Variants in FER1L6 observed in about 807,000 individuals in gnomAD.
FER1L6 encodes fer-1 like family member 6, also known as fer-1-like protein 6.
A neutral mutation model predicts 219.2 loss-of-function variants in FER1L6; 177 were observed. The observed-to-expected ratio is 0.81, with a 90% CI of 0.71 to 0.91. FER1L6 has a LOEUF of 0.91. FER1L6 is among the 40% of genes least tolerant of loss of function. FER1L6 has a pLI of 0.00. For synonymous variants in FER1L6, 768 were observed against 824.3 expected, an observed-to-expected ratio of 0.93 and a Z score of 1.17; for missense variants, 2,153 against 2,259.9, an observed-to-expected ratio of 0.95 and a Z score of 0.96.
intron 14 of FER1L6, among the ~76,000 whole-genome samples, chr8:124,011,038 C>T (rs1817897212): frequency 1.3e-5 from 2 of 152,130 alleles, no homozygotes; most frequent in Admixed American, 1.3e-4. Flanking sequence ...TAGATCCTGG[C>T]TTCAACTAAT....
chr8:124,084,397 TTGTGTA>T (rs1194117970), intron 33 of FER1L6, among the ~76,000 whole-genome samples: 1 of 152,100 alleles, frequency 6.6e-6, no homozygotes, highest in African/African-American at 2.4e-5. Flanking sequence ...TGTGGGTCTG[TTGTGTA>T]TGTTTTTTAT....
At chr8:123,964,349 A>G (rs1815438291) in intron 3 of FER1L6, among the ~76,000 whole-genome samples, 1 of 152,124 alleles carries the variant, frequency 6.6e-6, no homozygotes, top group South Asian at 2.1e-4. Flanking sequence ...AGTTGTTACT[A>G]TCAATAAAAC....
intron 22 of FER1L6, among the ~76,000 whole-genome samples, chr8:124,058,359 TAC>T (rs1820403897): frequency 6.6e-6 from 1 of 152,218 alleles, no homozygotes; most frequent in Admixed American, 6.5e-5. Context: ...TCAGACCAAC[TAC>T]CCATCCTGCT....
chr8:124,099,441 C>T (rs752790981), intron 37 of FER1L6, among the ~76,000 whole-genome samples: 1 of 152,178 alleles, frequency 6.6e-6, no homozygotes, highest in Non-Finnish European at 1.5e-5. Context: ...CACTGACTTC[C>T]CCATTTCTAA....
chr8:123,906,347 C>A (rs539185772), intron 1 of FER1L6, among the ~76,000 whole-genome samples: 4 of 152,194 alleles, frequency 2.6e-5, no homozygotes, highest in Admixed American at 2.6e-4. Context: ...GCCTCCCACC[C>A]AACCCACACT....
intron 38 of FER1L6, among the ~76,000 whole-genome samples, chr8:124,101,817 A>G (rs140393340): frequency 0.014 from 2,204 of 152,326 alleles, 33 homozygotes; most frequent in Admixed American, 0.026. Context: ...GGAGGTCTTG[A>G]TGACATGTGT....
intron 1 of FER1L6, among the ~76,000 whole-genome samples, chr8:123,937,258 G>A (rs1238205083): frequency 6.6e-6 from 1 of 152,194 alleles, no homozygotes; most frequent in Non-Finnish European, 1.5e-5. Flanking sequence ...CTGAACGAGG[G>A]AAACAGATGA....
chr8:124,059,168 C>T (rs114403292), intron 22 of FER1L6, among the ~76,000 whole-genome samples: 1 of 152,272 alleles, frequency 6.6e-6, no homozygotes, highest in African/African-American at 2.4e-5. Context: ...GTAAATTGTT[C>T]AGGCAGACAA....
At chr8:124,106,654 A>G (rs1361905154) in intron 39 of FER1L6, among the ~76,000 whole-genome samples, 3 of 152,142 alleles carry the variant, frequency 2.0e-5, no homozygotes, top group African/African-American at 7.2e-5. Context: ...GATTATTTTT[A>G]GCAGTTGCCC....
intron 33 of FER1L6, among the ~76,000 whole-genome samples, chr8:124,083,884 T>A (rs896910915): frequency 2.0e-5 from 3 of 152,226 alleles, no homozygotes; most frequent in Non-Finnish European, 4.4e-5. Context: ...TTAACAGTAC[T>A]GATTCTTCCA....
Position 123,980,620 on chromosome 8 carries a change from T to C in FER1L6, c.1219T>C (p.Ser407Pro), listed in dbSNP as rs1462935614. 8.7e-6 allele frequency: 14 copies of C among 1,613,960 alleles called. No individual in the cohort carries two copies. The highest frequency in any genetic ancestry group is 1.2e-5 in the Non-Finnish European group (14 of 1,180,018). The change falls in exon 11 of 41, where the codon TCA becomes CCA. Residue 407 changes from serine to proline, a missense_variant. Coordinates refer to ENST00000522917, the MANE Select transcript of FER1L6 (RefSeq NM_001039112.2). The stretch of plus-strand genomic sequence containing the variant: ...GGTAGAAATTGCTGTGGAAATCCTC[T>C]CAGGACGGGCACAGGAATCTAAATT... ...ILVEIAVEIL[S>P]GRAQESKFSK...
intron 1 of FER1L6, among the ~76,000 whole-genome samples, chr8:123,904,213 ACT>A (rs891761383): frequency 7.1e-5 from 7 of 98,496 alleles, no homozygotes; most frequent in African/African-American, 1.6e-4. Context: ...TTTAGAATAA[ACT>A]CTGTATATTT....
At chr8:123,909,202 T>C (rs556365940) in intron 1 of FER1L6, among the ~76,000 whole-genome samples, 3 of 151,834 alleles carry the variant, frequency 2.0e-5, no homozygotes, top group Admixed American at 2.0e-4. Flanking sequence ...TACAGAAAGA[T>C]GAAGAGGGAG....
At chr8:124,088,995 C>T (rs1202945798) in intron 33 of FER1L6, among the ~76,000 whole-genome samples, 1 of 152,096 alleles carries the variant, frequency 6.6e-6, no homozygotes, top group Non-Finnish European at 1.5e-5. Context: ...CATGGCTGCC[C>T]CAGCTGGTAT....
chr8:124,092,729 C>A (rs1441020456), intron 34 of FER1L6, among the ~76,000 whole-genome samples: 1 of 152,174 alleles, frequency 6.6e-6, no homozygotes, highest in African/African-American at 2.4e-5. Context: ...AGCATGGTAG[C>A]ATCCGCTTGG....
At chr8:124,048,387 C>T (rs913261342) in intron 21 of FER1L6, among the ~76,000 whole-genome samples, 2 of 152,226 alleles carry the variant, frequency 1.3e-5, no homozygotes, top group African/African-American at 4.8e-5. Context: ...ACTCTGCCCA[C>T]AAGGAGCTTG....
chr8:124,076,143 G>A, intron 31 of FER1L6, 55 bp from the exon 32 acceptor site: 1 of 1,605,340 alleles, frequency 6.2e-7, no homozygotes. Flanking sequence ...TAATCCCAGT[G>A]TACAACCAAT....
intron 39 of FER1L6, 104 bp downstream of exon 39, chr8:124,103,413 C>G: frequency 8.8e-7 from 1 of 1,137,708 alleles, no homozygotes; most frequent in Non-Finnish European, 1.3e-6. Flanking sequence ...CTTGAAATGA[C>G]ATGAACCCTT....
chr8:123,949,747 C>T (rs1022400942), intron 1 of FER1L6, among the ~76,000 whole-genome samples: 1 of 152,096 alleles, frequency 6.6e-6, no homozygotes, highest in Non-Finnish European at 1.5e-5. Flanking sequence ...GGCAGGTAGA[C>T]CCAAAGGAAG....
Sources: gnomAD v4.1 joint callset for allele counts (sites outside exome capture counted in the v4.1 genomes callset) on GRCh38, gnomAD v4.1.1 for gene constraint, MANE v1.5 for transcripts, NCBI Gene and HGNC (gene_info 2026-07-23, HGNC 2026-07-21) for gene names.